Variants in TJP1 observed in about 807,000 individuals in gnomAD.
The protein encoded by TJP1 is tight junction protein ZO-1.
In TJP1, 43 loss-of-function variants were observed where a neutral mutation model predicts 194.2. The observed-to-expected ratio is 0.22, with a 90% CI of 0.17 to 0.29. The LOEUF (loss-of-function observed/expected upper bound fraction) is 0.29, where lower values mean the gene tolerates loss of function less well. Among genes scored for constraint, TJP1 ranks in the 10% least tolerant of loss-of-function variants. The probability of loss-of-function intolerance (pLI) is 1.00; values close to 1 mark genes in which losing one functional copy is unlikely to be tolerated. For missense variants in TJP1, 1,971 were observed against 2,185.7 expected (o/e 0.90, Z 1.96); for synonymous variants, 801 against 779.0 (o/e 1.03, Z -0.47).
At chr15:29,721,207 T>G (rs558711251) in intron 18 of TJP1, among the ~76,000 whole-genome samples, 23 of 152,356 alleles carry the variant, frequency 1.5e-4, no homozygotes, top group African/African-American at 4.1e-4. Context: ...TTTGGATTTG[T>G]GTTCCCACCC....
chr15:29,922,226 T>C (rs1416008229), intron 2 of TJP1, among the ~76,000 whole-genome samples: 2 of 152,060 alleles, frequency 1.3e-5, no homozygotes, highest in Non-Finnish European at 2.9e-5. Context: ...TCCAGGCCTG[T>C]AATCCCAGCA....
intron 2 of TJP1, among the ~76,000 whole-genome samples, chr15:29,777,679 G>C (rs566213197): frequency 6.7e-6 from 1 of 149,134 alleles, no homozygotes; most frequent in South Asian, 2.2e-4. Flanking sequence ...TTTCAGGAGA[G>C]GAATTTGGCA....
At chr15:29,964,367 A>G (rs182491354) in intron 1 of TJP1, among the ~76,000 whole-genome samples, 14 of 150,438 alleles carry the variant, frequency 9.3e-5, no homozygotes, top group African/African-American at 3.2e-4. Flanking sequence ...ATGAGTTCCT[A>G]GTTTATAATT....
intron 4 of TJP1, among the ~76,000 whole-genome samples, chr15:29,768,838 A>G (rs1483946095): frequency 2.0e-5 from 3 of 151,820 alleles, no homozygotes; most frequent in Non-Finnish European, 4.4e-5. Flanking sequence ...AATATTTAGG[A>G]AAAAAAATGC....
chr15:29,812,498 G>C (rs953835538), intron 1 of TJP1, among the ~76,000 whole-genome samples: 1 of 152,162 alleles, frequency 6.6e-6, no homozygotes, highest in Non-Finnish European at 1.5e-5. Flanking sequence ...GCTTCCTTTA[G>C]ACAAACTGGC....
At chr15:29,880,664 A>G (rs893885919) in intron 2 of TJP1, among the ~76,000 whole-genome samples, 3 of 152,212 alleles carry the variant, frequency 2.0e-5, no homozygotes, top group Admixed American at 6.5e-5. Flanking sequence ...GACTATATTT[A>G]TAGATATCTC....
At chr15:29,818,635 G>C (rs976500815) in intron 1 of TJP1, among the ~76,000 whole-genome samples, 1 of 151,158 alleles carries the variant, frequency 6.6e-6, no homozygotes, top group African/African-American at 2.4e-5. Flanking sequence ...CTTCCCATTA[G>C]GGGGGATTAC....
At chr15:29,878,425 C>T (rs752489429) in intron 2 of TJP1, among the ~76,000 whole-genome samples, 171 of 152,268 alleles carry the variant, frequency 1.1e-3, no homozygotes, top group Non-Finnish European at 2.0e-3. Context: ...CCTTGAGTAG[C>T]CTCTGGACTT....
chr15:29,968,081 G>A, intron 1 of TJP1: 1 of 985,400 alleles, frequency 1.0e-6, no homozygotes, highest in South Asian at 4.7e-5. Flanking sequence ...TTTCTTTAAG[G>A]ATGTTTTTTC....
At chr15:29,949,922 T>TCTACC (rs2055596084) in intron 2 of TJP1, among the ~76,000 whole-genome samples, 1 of 12,844 alleles carries the variant, frequency 7.8e-5, no homozygotes, top group Non-Finnish European at 1.2e-4. Context: ...CACCTCCACC[T>TCTACC]TCACCACCAC....
At chr15:29,752,185 C>T (rs982494167) in intron 8 of TJP1, among the ~76,000 whole-genome samples, 1 of 151,976 alleles carries the variant, frequency 6.6e-6, no homozygotes, top group Non-Finnish European at 1.5e-5. Flanking sequence ...TCACTGCAAC[C>T]TCTGCCTCCC....
intron 2 of TJP1, among the ~76,000 whole-genome samples, chr15:29,881,940 T>G (rs914112827): frequency 1.3e-5 from 2 of 150,556 alleles, no homozygotes; most frequent in African/African-American, 4.9e-5. Flanking sequence ...TAAAGATATA[T>G]ATATAGATAT....
intron 2 of TJP1, among the ~76,000 whole-genome samples, chr15:29,894,645 C>T (rs528667723): frequency 1.7e-4 from 26 of 152,288 alleles, no homozygotes; most frequent in African/African-American, 6.0e-4. Flanking sequence ...GTGCCTGCAG[C>T]TCTCCCAGGC....
At chr15:29,790,393 GTTT>G (rs1567033426) in intron 2 of TJP1, among the ~76,000 whole-genome samples, 1 of 151,962 alleles carries the variant, frequency 6.6e-6, no homozygotes, top group African/African-American at 2.4e-5. Flanking sequence ...TTTTAAAAAT[GTTT>G]TTATTTTTAA....
chr15:29,960,911 T>C (rs2056132075), intron 1 of TJP1, among the ~76,000 whole-genome samples: 1 of 152,334 alleles, frequency 6.6e-6, no homozygotes, highest in South Asian at 2.1e-4. Flanking sequence ...TAGATAATAA[T>C]GCAGAATATT....
chr15:29,809,231 TTAAA>T (rs1335513843), intron 1 of TJP1, among the ~76,000 whole-genome samples: 6 of 152,300 alleles, frequency 3.9e-5, no homozygotes, highest in African/African-American at 9.6e-5. Flanking sequence ...GATATGTGTG[TTAAA>T]TAAAACATGA....
chr15:29,824,558 C>G (rs2050622175), upstream of TJP1, among the ~76,000 whole-genome samples: 1 of 150,928 alleles, frequency 6.6e-6, no homozygotes, highest in Admixed American at 6.6e-5. Context: ...ACAGTGAGAC[C>G]CCATTAAAAA....
rs141828918 is a variant in TJP1 at position 29,847,250 on chromosome 15, G to A, written c.307-46548C>T. On this transcript the variant is annotated intron_variant, in intron 2 of 28. Transcript: ENST00000356107. ...CCAGAGTAGCTGGGACCACAGGTGC[G>A]CACCACCACACCCAGCTAATTTTTG... is the stretch of plus-strand genomic sequence containing the variant. Among the ~76,000 whole-genome samples, 1,454 of 151,974 alleles carry A rather than the reference G, an allele frequency of 9.6e-3. 31 individuals carry two copies. Among genetic ancestry groups the A allele is most frequent in the African/African-American group, 0.034 (1,392 of 41,460 alleles).
chr15:29,949,526 A>ACCACCT, intron 2 of TJP1, among the ~76,000 whole-genome samples: 1 of 111,556 alleles, frequency 9.0e-6, no homozygotes, highest in South Asian at 3.3e-4. Flanking sequence ...CTCCACCACC[A>ACCACCT]CCACCTCCAC....
Sources: gnomAD v4.1 joint callset for allele counts (sites outside exome capture counted in the v4.1 genomes callset) on GRCh38, gnomAD v4.1.1 for gene constraint, MANE v1.5 for transcripts, NCBI Gene and HGNC (gene_info 2026-07-23, HGNC 2026-07-21) for gene names.